ANKRD30B: variants seen among roughly 807,000 people sequenced by gnomAD.
ANKRD30B encodes ankyrin repeat domain 30B.
In ANKRD30B, 144 loss-of-function variants were observed where a neutral mutation model predicts 202.2. That is an observed-to-expected ratio of 0.71 (90% CI 0.62 to 0.82). ANKRD30B has a LOEUF of 0.82. Among genes scored for constraint, ANKRD30B ranks in the 40% least tolerant of loss-of-function variants. ANKRD30B has a pLI of 0.00. For synonymous variants in ANKRD30B, 508 were observed against 561.3 expected, an observed-to-expected ratio of 0.91 and a Z score of 1.34; for missense variants, 1,487 against 1,669.1, an observed-to-expected ratio of 0.89 and a Z score of 1.90.
chr18:14,796,687 G>A (rs529212489), intron 18 of ANKRD30B, among the ~76,000 whole-genome samples: 20 of 152,096 alleles, frequency 1.3e-4, no homozygotes, highest in South Asian at 2.1e-4. Context: ...CAGGTGGATC[G>A]GCAGGTTGAG....
the ANKRD30B span, among the ~76,000 whole-genome samples, chr18:14,860,778 C>A: frequency 1.3e-5 from 2 of 151,924 alleles, no homozygotes; most frequent in Non-Finnish European, 2.9e-5. Flanking sequence ...GATGTCAGCT[C>A]ACTGCAACCT....
chr18:14,886,219 A>G, the ANKRD30B span, among the ~76,000 whole-genome samples: 4 of 151,968 alleles, frequency 2.6e-5, no homozygotes, highest in Non-Finnish European at 5.9e-5. Context: ...TGTAGAAAGC[A>G]TGTGCCAACT....
At chr18:14,830,963 A>C (rs547959064) in intron 33 of ANKRD30B, among the ~76,000 whole-genome samples, 8 of 151,884 alleles carry the variant, frequency 5.3e-5, no homozygotes, top group African/African-American at 1.9e-4. Context: ...CGGGCAGATC[A>C]CGAGGTCAGG....
At position 14,822,523 on chromosome 18, in the gene ANKRD30B, T is replaced by C; in HGVS notation, c.2670+12T>C. 1 of 1,306,634 alleles carries C rather than the reference T, an allele frequency of 7.7e-7. No individual in the cohort carries two copies. The highest frequency in any genetic ancestry group is 1.1e-6 in the Non-Finnish European group (1 of 916,276). The allele number at this position is 1,306,634 out of a possible 1,614,324, so 80.9% of individuals were successfully genotyped here. On this transcript the variant is annotated intron_variant, in intron 31 of 43. Coordinates refer to ENST00000690538, the MANE Select transcript of ANKRD30B (RefSeq NM_001367607.2). ...ATGGTCTTCTGAAGGTAATAACTTT[T>C]ATATTTTTATCTTGAATATTAACTA...
rs766888156 is a variant in ANKRD30B at position 14,808,410 on chromosome 18, A to C, written c.2285-141A>C. ...CCATTGGCATGTTAACAAATACAAA[A>C]ACCCAAAAGACCCCAAAACCTAGTG... On this transcript the variant is annotated intron_variant, in intron 24 of 43. Transcript: ENST00000690538. 5.5e-6 allele frequency: 5 copies of C among 911,784 alleles called. No homozygotes were observed. The African/African-American group carries it at 8.3e-5, about 15-fold the overall frequency. The allele number at this position is 911,784 out of a possible 1,614,324, so 56.5% of individuals were successfully genotyped here. A position where few individuals can be genotyped will look rare whatever the true frequency, so the allele number is the denominator to read the frequency against.
the ANKRD30B span, among the ~76,000 whole-genome samples, chr18:14,917,994 A>C: frequency 1.3e-5 from 2 of 152,184 alleles, no homozygotes; most frequent in African/African-American, 2.4e-5. Flanking sequence ...GGAATTGAAG[A>C]CACGTCTTAT....
chr18:14,816,663 A>G (rs1490851932), intron 30 of ANKRD30B: 3 of 151,572 alleles, frequency 2.0e-5, no homozygotes, highest in Admixed American at 2.0e-4. Context: ...AAAAAAAAGA[A>G]TTTATTTATT....
chr18:14,790,316 A>G (rs1385585183), intron 15 of ANKRD30B, among the ~76,000 whole-genome samples: 1 of 152,184 alleles, frequency 6.6e-6, no homozygotes, highest in Admixed American at 6.5e-5. Context: ...TTCTAGATAT[A>G]CAATCATGTC....
rs563764694 is a variant in ANKRD30B at position 14,851,785 on chromosome 18, T to A, written c.3841T>A (p.Leu1281Met). The A allele has an allele frequency of 2.3e-4, 365 of 1,573,416 alleles. 3 individuals are homozygous for A. In the African/African-American group the frequency reaches 3.7e-3, roughly 16 times the overall value. ...TAENTMLTSK[L>M]KEKQDKEILE... Reference sequence around the variant, plus strand: ...AGAGAACACGATGCTGACTTCTAAATTGAAGGAAAAACAAGACAAAGAAAT... The same window carrying A: ...AGAGAACACGATGCTGACTTCTAAAATGAAGGAAAAACAAGACAAAGAAAT... Residue 1281 changes from leucine (L) to methionine (M), a missense_variant, in exon 42 of 44, where the codon TTG becomes ATG. Leu to Met is a conservative substitution (Grantham distance 15). Coordinates refer to ENST00000690538, the MANE Select transcript of ANKRD30B (RefSeq NM_001367607.2).
At position 14,808,552 on chromosome 18, in the gene ANKRD30B, G is replaced by A. The variant is rs766155991; in HGVS notation, c.2286G>A (p.Glu762=). Residue 762 remains glutamate, a splice_region_variant and synonymous_variant, in exon 25 of 44, where the codon GAG becomes GAA. Coordinates refer to ENST00000690538, the MANE Select transcript of ANKRD30B (RefSeq NM_001367607.2). ...TTATATATGTCCCTTTTCTTTTAGAGTCTCCTGATAAAGATGGTCTTCTGA... is the reference window on the plus strand; with the variant it reads ...TTATATATGTCCCTTTTCTTTTAGAATCTCCTGATAAAGATGGTCTTCTGA... ...EFDTLSGKLE[E]SPDKDGLLKP... 59 of 1,500,348 alleles carry A rather than the reference G, an allele frequency of 3.9e-5. No individual in the cohort carries two copies. The highest frequency in any genetic ancestry group is 5.2e-5 in the Non-Finnish European group (56 of 1,082,296). The allele number at this position is 1,500,348 out of a possible 1,614,324, so 92.9% of individuals were successfully genotyped here.
chr18:14,838,710 CT>C (rs1971284429), intron 36 of ANKRD30B, among the ~76,000 whole-genome samples: 2 of 152,148 alleles, frequency 1.3e-5, no homozygotes, highest in African/African-American at 4.8e-5. Context: ...AAAGATAAGT[CT>C]GTATTTGGTT....
chr18:14,863,620 T>C, the ANKRD30B span, among the ~76,000 whole-genome samples: 1 of 152,140 alleles, frequency 6.6e-6, no homozygotes, highest in Non-Finnish European at 1.5e-5. Context: ...GTAATAAAAA[T>C]ATTTATCAGG....
chr18:14,771,447 G>C (rs1488786375), intron 8 of ANKRD30B, among the ~76,000 whole-genome samples: 2 of 152,112 alleles, frequency 1.3e-5, no homozygotes. Flanking sequence ...ACCTGAACAA[G>C]GAAGGACAAG....
the ANKRD30B span, among the ~76,000 whole-genome samples, chr18:14,870,220 T>A: frequency 1.1e-4 from 17 of 152,336 alleles, no homozygotes; most frequent in East Asian, 1.2e-3. Flanking sequence ...GCTCAGACAA[T>A]CCTTCTGCCA....
At chr18:14,872,471 T>C in the ANKRD30B span, among the ~76,000 whole-genome samples, 1 of 152,160 alleles carries the variant, frequency 6.6e-6, no homozygotes. Flanking sequence ...TATCAACTTA[T>C]CCATTTAACA....
Position 14,796,384 on chromosome 18 carries a change from AG to A in ANKRD30B, c.1897del (p.Glu633AsnfsTer2), listed in dbSNP as rs764065848. On this transcript the variant is annotated frameshift_variant, in exon 18 of 44. Transcript: ENST00000690538. LOFTEE classifies it high-confidence loss of function. ...AAGTTTCTCTTCCAAATAAAGCCTT[AG>A]AATTAAAGGACAGAGAAACATTCAA... Reference protein sequence around the residue: ...RKVSLPNKALELKDRETFKAE... With the variant: ...RKVSLPNKALXLKDRETFKAE... The A allele has an allele frequency of 2.0e-5, 31 of 1,562,238 alleles. No individual in the cohort carries two copies. The highest frequency in any genetic ancestry group is 2.7e-5 in the Non-Finnish European group (31 of 1,152,738).
At chr18:14,918,865 G>A in the ANKRD30B span, among the ~76,000 whole-genome samples, 1 of 152,210 alleles carries the variant, frequency 6.6e-6, no homozygotes, top group South Asian at 2.1e-4. Flanking sequence ...GCTAAGTCAT[G>A]AGGACAGAGC....
chr18:14,901,052 A>AT, the ANKRD30B span, among the ~76,000 whole-genome samples: 2 of 152,298 alleles, frequency 1.3e-5, no homozygotes, highest in South Asian at 4.1e-4. Context: ...CCAGGAGCCT[A>AT]TTTTTTCAGT....
intron 28 of ANKRD30B, 142 bp downstream of exon 28, chr18:14,810,322 T>C (rs1206150209): frequency 7.0e-6 from 4 of 573,558 alleles, no homozygotes; most frequent in East Asian, 3.8e-5. Context: ...TGTTAGTATT[T>C]ATGTTTGAGA....
Sources: gnomAD v4.1 joint callset for allele counts (sites outside exome capture counted in the v4.1 genomes callset) on GRCh38, gnomAD v4.1.1 for gene constraint, MANE v1.5 for transcripts, NCBI Gene and HGNC (gene_info 2026-07-23, HGNC 2026-07-21) for gene names.